Variants in WDPCP observed in about 807,000 individuals in gnomAD.
The protein encoded by WDPCP is WD repeat containing planar cell polarity effector, also known as WD repeat-containing and planar cell polarity effector protein fritz homolog.
A neutral mutation model predicts 93.1 loss-of-function variants in WDPCP; 71 were observed. The ratio of observed to expected loss-of-function variants is 0.76; its 90% CI spans 0.63 to 0.93. The LOEUF (loss-of-function observed/expected upper bound fraction) is 0.93, where lower values mean the gene tolerates loss of function less well. WDPCP is among the 40% of genes least tolerant of loss of function. The probability of loss-of-function intolerance (pLI) is 0.00; values close to 1 mark genes in which losing one functional copy is unlikely to be tolerated. For missense variants in WDPCP, 844 were observed against 887.4 expected, an observed-to-expected ratio of 0.95 and a Z score of 0.62; for synonymous variants, 315 against 315.0, an observed-to-expected ratio of 1.00 and a Z score of 0.00.
At chr2:63,440,176 G>T in intron 6 of WDPCP, 1 of 253,894 alleles carries the variant, frequency 3.9e-6, no homozygotes, top group Non-Finnish European at 7.7e-6. Flanking sequence ...AGACATAACT[G>T]CTTTGTTTTG....
intron 1 of WDPCP, among the ~76,000 whole-genome samples, chr2:63,823,456 T>C (rs776525986): frequency 1.1e-4 from 16 of 152,064 alleles, no homozygotes; most frequent in Non-Finnish European, 2.1e-4. Flanking sequence ...TCAGCTGAGA[T>C]TGCACCACTG....
At chr2:63,291,385 C>A (rs1417504404) in intron 13 of WDPCP, among the ~76,000 whole-genome samples, 1 of 152,150 alleles carries the variant, frequency 6.6e-6, no homozygotes, top group South Asian at 2.1e-4. Context: ...GAGTCAATTA[C>A]AGTTTTGTAT....
intron 1 of WDPCP, among the ~76,000 whole-genome samples, chr2:63,533,123 A>G (rs1274259875): frequency 6.7e-6 from 1 of 148,790 alleles, no homozygotes; most frequent in African/African-American, 2.5e-5. Context: ...AGGGCATTAC[A>G]TAATGGTAAA....
At chr2:63,777,463 G>A (rs1575770598) in intron 2 of WDPCP, among the ~76,000 whole-genome samples, 2 of 152,250 alleles carry the variant, frequency 1.3e-5, no homozygotes, top group South Asian at 2.1e-4. Context: ...AAGACCTGTA[G>A]TTGAATGTTC....
At chr2:63,573,421 A>C (rs13415780) in intron 1 of WDPCP, among the ~76,000 whole-genome samples, 9,208 of 152,256 alleles carry the variant, frequency 0.06, 853 homozygotes, top group African/African-American at 0.2. Context: ...TAATACTTTA[A>C]TAATTTCTTA....
chr2:63,139,535 C>T (rs558953491), intron 17 of WDPCP, among the ~76,000 whole-genome samples: 4 of 152,158 alleles, frequency 2.6e-5, no homozygotes, highest in East Asian at 1.9e-4. Flanking sequence ...AAGGTGGTAT[C>T]GCATTGTGGT....
intron 2 of WDPCP, among the ~76,000 whole-genome samples, chr2:63,762,700 C>T (rs543017179): frequency 1.3e-5 from 2 of 152,108 alleles, no homozygotes; most frequent in Non-Finnish European, 1.5e-5. Context: ...ATCTTTTTCT[C>T]GTCTTATAAA....
intron 14 of WDPCP, among the ~76,000 whole-genome samples, chr2:63,178,553 C>T (rs948695594): frequency 2.6e-5 from 4 of 151,752 alleles, no homozygotes; most frequent in Admixed American, 1.3e-4. Flanking sequence ...GCTGTAATAT[C>T]CCCTCTTTCA....
intron 12 of WDPCP, among the ~76,000 whole-genome samples, chr2:63,347,674 G>T (rs1329364576): frequency 6.6e-6 from 1 of 151,952 alleles, no homozygotes; most frequent in Non-Finnish European, 1.5e-5. Flanking sequence ...ATGTTGGGCT[G>T]TTTTTGTGGG....
intron 14 of WDPCP, among the ~76,000 whole-genome samples, chr2:63,249,302 T>C (rs976738200): frequency 6.6e-6 from 1 of 152,186 alleles, no homozygotes; most frequent in Non-Finnish European, 1.5e-5. Flanking sequence ...TCAATTCCCC[T>C]GTATACATGG....
chr2:63,330,612 G>A (rs1195063700), intron 12 of WDPCP, among the ~76,000 whole-genome samples: 2 of 151,018 alleles, frequency 1.3e-5, no homozygotes, highest in East Asian at 3.9e-4. Flanking sequence ...TATTTTTCCT[G>A]TTGTTGCCTA....
At chr2:63,578,422 T>C (rs769831270) in intron 1 of WDPCP, among the ~76,000 whole-genome samples, 1 of 152,180 alleles carries the variant, frequency 6.6e-6, no homozygotes, top group African/African-American at 2.4e-5. Flanking sequence ...ATATCTATAG[T>C]AGCAACTTAT....
At chr2:63,823,479 G>C (rs761806680) in intron 1 of WDPCP, among the ~76,000 whole-genome samples, 1 of 151,974 alleles carries the variant, frequency 6.6e-6, no homozygotes, top group Middle Eastern at 3.2e-3. Flanking sequence ...CTCCAGCCTG[G>C]GTGACAGAGC....
intron 12 of WDPCP, among the ~76,000 whole-genome samples, chr2:63,323,586 G>C (rs560306493): frequency 2.0e-5 from 3 of 152,202 alleles, no homozygotes; most frequent in African/African-American, 7.2e-5. Context: ...CTCCCTCAGG[G>C]TATGGCCCTC....
chr2:63,702,041 T>C (rs1669061171), intron 2 of WDPCP, among the ~76,000 whole-genome samples: 1 of 152,204 alleles, frequency 6.6e-6, no homozygotes, highest in African/African-American at 2.4e-5. Context: ...TTTTTTTTTC[T>C]TGAGATGGAG....
At chr2:63,537,479 A>G (rs1704379168) in intron 1 of WDPCP, among the ~76,000 whole-genome samples, 1 of 152,226 alleles carries the variant, frequency 6.6e-6, no homozygotes, top group South Asian at 2.1e-4. Flanking sequence ...AATTCTGATG[A>G]TACACAAGAC....
At chr2:63,784,001 C>T (rs1293729939) in intron 2 of WDPCP, among the ~76,000 whole-genome samples, 1 of 152,176 alleles carries the variant, frequency 6.6e-6, no homozygotes, top group African/African-American at 2.4e-5. Context: ...TTCACATTTG[C>T]AGTGTTGCTT....
intron 2 of WDPCP, among the ~76,000 whole-genome samples, chr2:63,728,103 A>G (rs1669515847): frequency 6.6e-6 from 1 of 152,240 alleles, no homozygotes; most frequent in Non-Finnish European, 1.5e-5. Flanking sequence ...AAATTAATGT[A>G]TCTTCTAACA....
chr2:63,138,275 A>AT (rs1559146204), intron 17 of WDPCP, among the ~76,000 whole-genome samples: 1 of 152,108 alleles, frequency 6.6e-6, no homozygotes, highest in East Asian at 1.9e-4. Context: ...CTTTCAATGC[A>AT]TAGTGTCAAG....
Sources: allele counts gnomAD v4.1 joint callset (sites outside exome capture counted in the v4.1 genomes callset), GRCh38; gene constraint gnomAD v4.1.1; transcripts MANE v1.5; gene names NCBI Gene and HGNC (gene_info 2026-07-23, HGNC 2026-07-21).